SORL1: variants seen among roughly 807,000 people sequenced by gnomAD.
The protein encoded by SORL1 is sortilin related receptor 1, also known as sortilin-related receptor.
In SORL1, 127 loss-of-function variants were observed where a neutral mutation model predicts 273.7. The observed-to-expected ratio is 0.46, with a 90% confidence interval of 0.40 to 0.54. The LOEUF is 0.54. Ranked by LOEUF, SORL1 falls within the 20% of genes least tolerant of loss-of-function variation. The pLI, the probability that SORL1 is intolerant of heterozygous loss-of-function variation, is 0.00. For synonymous variants in SORL1, 1,031 were observed against 1,067.4 expected (o/e 0.97, Z 0.66); for missense variants, 2,494 against 2,846.1 (o/e 0.88, Z 2.81).
intron 33 of SORL1, 27 bp downstream of exon 33, chr11:121,604,351 G>C: frequency 6.2e-7 from 1 of 1,608,166 alleles, no homozygotes; most frequent in Non-Finnish European, 8.5e-7. Flanking sequence ...GGGCTGGGCT[G>C]GGCTGGGCTG....
At position 121,543,571 on chromosome 11, in the gene SORL1, C is replaced by T. The variant is rs148763804; in HGVS notation, c.1709C>T (p.Thr570Ile). 1.9e-6 allele frequency: 3 copies of T among 1,613,968 alleles called. No homozygotes were observed. The highest frequency in any genetic ancestry group is 2.2e-5 in the East Asian group (1 of 44,888). ...AGATACAGTACCAATGAAGGGGAGA[C>T]CTGGAAAACATTCATCTTCTCTGAG... ...ELKYSTNEGE[T>I]WKTFIFSEKP... Residue 570 changes from threonine (T) to isoleucine (I), a missense_variant, in exon 13 of 48, where the codon ACC (threonine) becomes ATC (isoleucine). By Grantham distance (89) the Thr-to-Ile change is moderately conservative. Coordinates refer to ENST00000260197, the MANE Select transcript of SORL1 (RefSeq NM_003105.6).
chr11:121,575,208 G>A (rs1862909916), intron 24 of SORL1, among the ~76,000 whole-genome samples: 1 of 152,176 alleles, frequency 6.6e-6, no homozygotes, highest in African/African-American at 2.4e-5. Context: ...ATGGGGAACT[G>A]GAATCCATGT....
chr11:121,452,962 G>T lies in SORL1; in HGVS notation c.285+346G>T. ...GGCTTTCTTTAGTGTATCATCAGTT[G>T]GCAGTGGAGGCGAGCACCCTGCAGT... On this transcript the variant is annotated intron_variant, in intron 1 of 47. Coordinates refer to ENST00000260197, the MANE Select transcript of SORL1 (RefSeq NM_003105.6). The surrounding 1 kb of genome is among the most constrained non-coding windows in gnomAD (Gnocchi z 5.3). 4.5e-6 allele frequency: 1 copy of T among 224,182 alleles called. No individual in the cohort carries two copies. Among genetic ancestry groups the T allele is most frequent in the Non-Finnish European group, 8.7e-6 (1 of 114,720 alleles). 13.9% of individuals were successfully genotyped at this position (224,182 alleles called of 1,614,324 possible).
intron 16 of SORL1, among the ~76,000 whole-genome samples, chr11:121,552,287 A>G (rs924137264): frequency 6.6e-6 from 1 of 152,242 alleles, no homozygotes; most frequent in Non-Finnish European, 1.5e-5. Flanking sequence ...TTCTTCCTTT[A>G]CAATTACTAT....
intron 30 of SORL1, chr11:121,590,764 C>G: frequency 1.4e-6 from 1 of 727,236 alleles, no homozygotes; most frequent in South Asian, 1.4e-5. Context: ...GAATATTAAC[C>G]GAAATCAAAT....
chr11:121,599,629 T>G (rs1398676777), intron 32 of SORL1, among the ~76,000 whole-genome samples: 2 of 152,262 alleles, frequency 1.3e-5, no homozygotes, highest in Non-Finnish European at 2.9e-5. Context: ...CATCTCTTTC[T>G]CATTTCTTTG....
At position 121,615,076 on chromosome 11, in the gene SORL1, A is replaced by G. The variant is rs1426010476; in HGVS notation, c.5604+21A>G. ...ATGTGGTGAGTCAGCCAGAATGACC[A>G]TCACAAAGTGAGTGTGGACTGTCCC... On this transcript the variant is annotated intron_variant, in intron 41 of 47. Coordinates refer to ENST00000260197, the MANE Select transcript of SORL1 (RefSeq NM_003105.6). 1.9e-6 allele frequency: 3 copies of G among 1,576,942 alleles called. No individual in the cohort carries two copies. In the African/African-American group the frequency reaches 4.1e-5, roughly 21 times the overall value.
intron 2 of SORL1, among the ~76,000 whole-genome samples, chr11:121,476,380 A>G (rs1052400932): frequency 6.6e-6 from 1 of 152,184 alleles, no homozygotes; most frequent in African/African-American, 2.4e-5. Context: ...AGCTTCTTCA[A>G]CTGTGACTCA....
At position 121,478,120 on chromosome 11, in the gene SORL1, G is replaced by A; in HGVS notation, c.405G>A (p.Val135=). 1 of 1,612,630 alleles carries A rather than the reference G, an allele frequency of 6.2e-7. No homozygotes were observed. The highest frequency in any genetic ancestry group is 1.7e-5 in the Admixed American group (1 of 59,948). Residue 135 remains valine (V), a splice_region_variant and synonymous_variant, in exon 3 of 48, where the codon GTG becomes GTA. Transcript: ENST00000260197. ...LALARPKSSD[V]YVSYDYGKSF... is the part of the protein sequence containing the mutation. ...ATCTCCTTTTCTCTGTATTCCAGGT[G>A]TACGTGTCTTACGACTATGGAAAAT... is the stretch of plus-strand genomic sequence containing the variant.
chr11:121,619,973 G>T, intron 43 of SORL1, 56 bp downstream of exon 43: 1 of 1,434,338 alleles, frequency 7.0e-7, no homozygotes, highest in Non-Finnish European at 9.8e-7. Context: ...GTTAGGGTGG[G>T]GTGGGATGGA....
chr11:121,452,400 G>T lies in SORL1; in HGVS notation c.69G>T (p.Pro23=), dbSNP rs368617512. The change falls in exon 1 of 48, where the codon CCG becomes CCT. Residue 23 remains proline, a synonymous_variant. Transcript: ENST00000260197. This position sits in a 1 kb window ranked among gnomAD's most constrained non-coding sequence, Gnocchi z 5.3. ...PFLFTLVALL[P]PGALCEVWTQ... ...TATTCACCCTGGTCGCACTGCTGCC[G>T]CCCGGAGCTCTCTGCGAAGTCTGGA... 7.2e-6 allele frequency: 11 copies of T among 1,534,052 alleles called. No homozygotes were observed. The African/African-American group carries it at 1.4e-4, about 20-fold the overall frequency.
intron 3 of SORL1, among the ~76,000 whole-genome samples, chr11:121,486,637 G>A (rs1004091530): frequency 6.6e-5 from 10 of 151,934 alleles, no homozygotes; most frequent in Admixed American, 3.3e-4. Flanking sequence ...CCACCACCAT[G>A]CCCGGCTAAT....
chr11:121,538,909 C>G (rs1456126924), intron 12 of SORL1, among the ~76,000 whole-genome samples: 1 of 152,108 alleles, frequency 6.6e-6, no homozygotes, highest in African/African-American at 2.4e-5. Context: ...GATTTCTTGA[C>G]CTTGTGACCC....
At chr11:121,517,208 C>T (rs1174500483) in intron 8 of SORL1, among the ~76,000 whole-genome samples, 1 of 152,206 alleles carries the variant, frequency 6.6e-6, no homozygotes, top group African/African-American at 2.4e-5. Context: ...AAGAGAACCC[C>T]ATGCCCATTA....
chr11:121,572,906 G>A (rs887403465), intron 23 of SORL1, among the ~76,000 whole-genome samples: 6 of 152,154 alleles, frequency 3.9e-5, no homozygotes, highest in Admixed American at 3.3e-4. Flanking sequence ...GAGCTGCCAG[G>A]ATGTCTAACG....
chr11:121,501,700 T>C (rs1861710400), intron 6 of SORL1, among the ~76,000 whole-genome samples: 2 of 152,252 alleles, frequency 1.3e-5, no homozygotes, highest in South Asian at 4.1e-4. Context: ...ACTTATTCAT[T>C]ATCATGAGAA....
chr11:121,453,987 C>T (rs1322641079), intron 1 of SORL1, among the ~76,000 whole-genome samples: 1 of 152,204 alleles, frequency 6.6e-6, no homozygotes, highest in Non-Finnish European at 1.5e-5. Context: ...ACTATTGGTC[C>T]CTGGGCAAGA....
At chr11:121,498,918 C>T (rs773412880) in intron 6 of SORL1, among the ~76,000 whole-genome samples, 1 of 151,954 alleles carries the variant, frequency 6.6e-6, no homozygotes, top group Non-Finnish European at 1.5e-5. Flanking sequence ...CTTTCTGTGC[C>T]CTCCATTCTA....
chr11:121,488,154 C>T lies in SORL1; in HGVS notation c.651C>T (p.Asn217=). The change falls in exon 4 of 48, where the codon AAC becomes AAT. Residue 217 remains asparagine (N), a synonymous_variant. Transcript: ENST00000260197. ...TCCTCCTACACAGTAAGGCCTCCAA[C>T]CTTCTCTTGGGCTTTGACAGGTCCC... is the stretch of plus-strand genomic sequence containing the variant. ...ADLLLHSKAS[N]LLLGFDRSHP... 6.2e-7 allele frequency: 1 copy of T among 1,614,172 alleles called. No individual in the cohort carries two copies. The highest frequency in any genetic ancestry group is 1.1e-5 in the South Asian group (1 of 91,084).
Sources: gnomAD v4.1 joint callset for allele counts (sites outside exome capture counted in the v4.1 genomes callset) on GRCh38, gnomAD v4.1.1 for gene constraint, Gnocchi (gnomAD v3.1) non-coding constraint, MANE v1.5 for transcripts, NCBI Gene and HGNC (gene_info 2026-07-23, HGNC 2026-07-21) for gene names.